The following ESPL1 variants were observed in gnomAD, a reference collection of about 807,000 sequenced individuals.
ESPL1 encodes separin.
In ESPL1, 50 loss-of-function variants were observed where a neutral mutation model predicts 217.2. The observed-to-expected ratio is 0.23, with a 90% CI of 0.18 to 0.29. ESPL1 has a LOEUF of 0.29. ESPL1 is among the 10% of genes least tolerant of loss of function. ESPL1 has a pLI of 1.00. For missense variants in ESPL1, 1,834 were observed against 2,603.0 expected, an observed-to-expected ratio of 0.70 and a Z score of 6.43; for synonymous variants, 994 against 1,081.3, an observed-to-expected ratio of 0.92 and a Z score of 1.58.
rs1592489136 is a variant in ESPL1 at position 53,283,118 on chromosome 12, A to G, written c.2792-11A>G. On this transcript the variant is annotated splice_polypyrimidine_tract_variant and intron_variant, in intron 14 of 30. Coordinates refer to ENST00000257934, the MANE Select transcript of ESPL1 (RefSeq NM_012291.5). ...CTGCATCTTCTCCCTTTTTCACCCC[A>G]CCCACCACAGGCTGGCAGACACCTG... The G allele has an allele frequency of 1.2e-6, 2 of 1,613,860 alleles. No homozygotes were observed. The highest frequency in any genetic ancestry group is 2.7e-5 in the African/African-American group (2 of 74,988).
chr12:53,283,319 G>T (rs1319228357), intron 15 of ESPL1, 62 bp downstream of exon 15: 4 of 1,611,546 alleles, frequency 2.5e-6, no homozygotes, highest in African/African-American at 2.7e-5. Flanking sequence ...GAGGGCTGCG[G>T]TTTTTTCTCC....
In ESPL1 at chr12:53,291,675, A is replaced by G. The variant is rs1011093704; in HGVS notation, c.5521-15A>G. ...ATGAATGAAGATGGTGCTCACCACC[A>G]CTGTTTCCCTGCAGATCATGCTCAG... On this transcript the variant is annotated splice_polypyrimidine_tract_variant and intron_variant, in intron 25 of 30. Coordinates refer to ENST00000257934, the MANE Select transcript of ESPL1 (RefSeq NM_012291.5). 4 of 1,611,566 alleles carry G rather than the reference A, an allele frequency of 2.5e-6. No individual in the cohort carries two copies. Among genetic ancestry groups the G allele is most frequent in the African/African-American group, 1.3e-5 (1 of 74,782 alleles).
At position 53,289,073 on chromosome 12, in the gene ESPL1, T is replaced by C. The variant is rs778857406; in HGVS notation, c.4709-17T>C. On this transcript the variant is annotated splice_polypyrimidine_tract_variant and intron_variant, in intron 20 of 30. Transcript: ENST00000257934. The stretch of plus-strand genomic sequence containing the variant: ...ATAAGGAATTCAGCTGTACCAAGTG[T>C]CCTGACGTTCTTCTAGGTCTTTCTA... 6.3e-7 allele frequency: 1 copy of C among 1,586,774 alleles called. No individual in the cohort carries two copies. The highest frequency in any genetic ancestry group is 2.2e-5 in the East Asian group (1 of 44,740).
At chr12:53,287,907 T>C in intron 18 of ESPL1, 65 bp from the exon 19 acceptor site, 2 of 1,495,038 alleles carry the variant, frequency 1.3e-6, no homozygotes, top group Non-Finnish European at 1.8e-6. Context: ...CTACGCCACC[T>C]GCTGTCACAA....
chr12:53,277,785 T>C (rs373526400), intron 10 of ESPL1, 36 bp from the exon 11 acceptor site: 102 of 1,609,778 alleles, frequency 6.3e-5, no homozygotes, highest in Non-Finnish European at 8.2e-5. Context: ...AGATGGCCCA[T>C]GCTGAGACAG....
In ESPL1 at chr12:53,277,212, A is replaced by G. The variant is rs370405626; in HGVS notation, c.2070A>G (p.Glu690=). The G allele has an allele frequency of 3.7e-6, 6 of 1,609,556 alleles. 1 individual carries two copies. The highest frequency in any genetic ancestry group is 5.1e-6 in the Non-Finnish European group (6 of 1,176,258). The stretch of plus-strand genomic sequence containing the variant: ...TGTGGCTTTACATCTGTACTCTGGA[A>G]GCCAAAATGCAGGAAGTGAGTGTGG... ...ALLWLYICTL[E]AKMQEGIERD... is the part of the protein sequence containing the mutation. The change falls in exon 9 of 31, where the codon GAA becomes GAG. Residue 690 remains glutamate, a synonymous_variant. Coordinates refer to ENST00000257934, the MANE Select transcript of ESPL1 (RefSeq NM_012291.5).
At chr12:53,268,517 G>A (rs939166549) in intron 1 of ESPL1, 140 bp downstream of exon 1, 4 of 502,880 alleles carry the variant, frequency 8.0e-6, no homozygotes, top group Non-Finnish European at 1.4e-5. Flanking sequence ...CTGAAGGGCT[G>A]GGCCGAGGCC....
chr12:53,280,135 C>T (rs1943837475), intron 12 of ESPL1, among the ~76,000 whole-genome samples: 1 of 152,164 alleles, frequency 6.6e-6, no homozygotes, highest in South Asian at 2.1e-4. Context: ...TTCTGTTGCC[C>T]TAGTTGATGC....
chr12:53,290,357 G>T lies in ESPL1; in HGVS notation c.5252G>T (p.Arg1751Leu), dbSNP rs749890420. 3 of 1,612,986 alleles carry T rather than the reference G, an allele frequency of 1.9e-6. No individual in the cohort carries two copies. Among genetic ancestry groups the T allele is most frequent in the South Asian group, 2.2e-5 (2 of 90,966 alleles). ...CCCCATCTCCCAAAGCTTCATCTGCGTTCAGTCCTGAATGAGTTTGATGCC... is the reference window on the plus strand; with the variant it reads ...CCCCATCTCCCAAAGCTTCATCTGCTTTCAGTCCTGAATGAGTTTGATGCC... Reference protein sequence around the residue: ...IPTGQNKLHLRSVLNEFDAIQ... With the variant: ...IPTGQNKLHLLSVLNEFDAIQ... The change falls in exon 24 of 31, where the codon CGT becomes CTT. Residue 1751 changes from arginine (R) to leucine (L), a missense_variant. Around this residue, in one of 5 missense-constraint regions of ESPL1, gnomAD observed 295 missense variants for 519.8 expected, o/e 0.57. Transcript: ENST00000257934.
chr12:53,290,939 CCTACAGGAGCTG>C lies in ESPL1; in HGVS notation c.5472_5483del (p.Glu1824_Gln1827del). On this transcript the variant is annotated inframe_deletion, in exon 25 of 31. Transcript: ENST00000257934. ...CCGGCCCTGCCCAGGAGGCCTCCCG[CCTACAGGAGCTG>C]CTACAGGACTGTGGCTGGAAATATC... is the stretch of plus-strand genomic sequence containing the variant. The C allele has an allele frequency of 1.9e-6, 3 of 1,606,362 alleles. No individual in the cohort carries two copies. The highest frequency in any genetic ancestry group is 2.5e-6 in the Non-Finnish European group (3 of 1,176,676).
chr12:53,282,453 A>G lies in ESPL1; in HGVS notation c.2791+18A>G, dbSNP rs777469176. ...TGCCCAAGGTGAAAGAATAGGGTGG[A>G]TGGCCCCCCTTGGATGACATGTATG... On this transcript the variant is annotated intron_variant, in intron 14 of 30. Coordinates refer to ENST00000257934, the MANE Select transcript of ESPL1 (RefSeq NM_012291.5). This position sits in a 1 kb window ranked among gnomAD's most constrained non-coding sequence, Gnocchi z 4.0. 6.2e-7 allele frequency: 1 copy of G among 1,610,904 alleles called. No individual in the cohort carries two copies. The highest frequency in any genetic ancestry group is 1.7e-4 in the Middle Eastern group (1 of 6,058).
intron 8 of ESPL1, 38 bp from the exon 9 acceptor site, chr12:53,277,045 C>T (rs1356381587): frequency 1.9e-6 from 3 of 1,601,586 alleles, no homozygotes; most frequent in Non-Finnish European, 1.7e-6. Context: ...GGCAGATACT[C>T]ATAGTAGGCC....
Position 53,268,783 on chromosome 12 carries a change from G to C in ESPL1, c.17G>C (p.Arg6Thr), listed in dbSNP as rs1178572569. Residue 6 changes from arginine to threonine, a missense_variant, in exon 2 of 31, where the codon AGA becomes ACA. Physicochemically the swap from Arg to Thr is moderately conservative, Grantham distance 71. Around this residue, in one of 5 missense-constraint regions of ESPL1, gnomAD observed 746 missense variants for 1,077.0 expected, o/e 0.69. Coordinates refer to ENST00000257934, the MANE Select transcript of ESPL1 (RefSeq NM_012291.5). MRSFK[R>T]VNFGTLLSSQ... is the part of the protein sequence containing the mutation. Reference sequence around the variant, plus strand: ...TCCGGTGTCATGAGGAGCTTCAAAAGAGTCAACTTTGGGACTCTGCTAAGC... The same window carrying C: ...TCCGGTGTCATGAGGAGCTTCAAAACAGTCAACTTTGGGACTCTGCTAAGC... 1 of 1,612,094 alleles carries C rather than the reference G, an allele frequency of 6.2e-7. No individual in the cohort carries two copies.
At position 53,269,402 on chromosome 12, in the gene ESPL1, G is replaced by T; in HGVS notation, c.460G>T (p.Gly154Trp). 4.3e-6 allele frequency: 7 copies of T among 1,613,980 alleles called. No homozygotes were observed. The highest frequency in any genetic ancestry group is 5.9e-6 in the Non-Finnish European group (7 of 1,179,998). Residue 154 changes from glycine to tryptophan, a missense_variant, in exon 3 of 31, where the codon GGG (glycine) becomes TGG (tryptophan). By Grantham distance (184) the Gly-to-Trp change is radical. Transcript: ENST00000257934. This position sits in a 1 kb window ranked among gnomAD's most constrained non-coding sequence, Gnocchi z 6.7. ...ARGSFSLLWK[G>W]AEALLERRAA... ...GGGCAGCTTTTCTCTGCTTTGGAAG[G>T]GGGCAGAAGCCCTGTTGGAACGGCG...
rs762547257 is a variant in ESPL1, at chr12:53,286,069, T to C, written c.3333T>C (p.Thr1111=). 3.7e-6 allele frequency: 6 copies of C among 1,611,074 alleles called. No individual in the cohort carries two copies. Among genetic ancestry groups the C allele is most frequent in the Non-Finnish European group, 5.1e-6 (6 of 1,177,404 alleles). Reference sequence around the variant, plus strand: ...GCCCTGCTCTAGAGCTGGTGGCCACTGTGGCCAAGGAGCCTGGCCCCATAG... The same window carrying C: ...GCCCTGCTCTAGAGCTGGTGGCCACCGTGGCCAAGGAGCCTGGCCCCATAG... The part of the protein sequence containing the change: ...LRGPALELVA[T]VAKEPGPIAP... The change falls in exon 18 of 31, where the codon ACT becomes ACC. Residue 1111 remains threonine, a synonymous_variant. Transcript: ENST00000257934. The surrounding 1 kb of genome is among the most constrained non-coding windows in gnomAD (Gnocchi z 5.3).
At position 53,285,476 on chromosome 12, in the gene ESPL1, A is replaced by G. The variant is rs562914207; in HGVS notation, c.3188-448A>G. ...AAAGAAAACAAAAATTTTACCTCCA[A>G]GGCGGGCGGATCACAAGGTCAGGAG... On this transcript the variant is annotated intron_variant, in intron 17 of 30. Transcript: ENST00000257934. 2.6e-5 allele frequency among the ~76,000 whole-genome samples: 4 copies of G among 152,298 alleles called. No homozygotes were observed. In the South Asian group the frequency reaches 8.3e-4, roughly 32 times the overall value.
At position 53,286,367 on chromosome 12, in the gene ESPL1, C is replaced by A. The variant is rs986730530; in HGVS notation, c.3631C>A (p.Pro1211Thr). ...ALQASLNHKT[P>T]PSLVPSLLDE... ...CCAAGCTTCCCTGAATCATAAAACA[C>A]CCCCCTCCTTGGTTCCAAGCCTCTT... is the stretch of plus-strand genomic sequence containing the variant. The change falls in exon 18 of 31, where the codon CCC (proline) becomes ACC (threonine). Residue 1211 changes from proline to threonine, a missense_variant. Around this residue, in one of 5 missense-constraint regions of ESPL1, gnomAD observed 681 missense variants for 808.0 expected, o/e 0.84. Transcript: ENST00000257934. The surrounding 1 kb of genome is among the most constrained non-coding windows in gnomAD (Gnocchi z 5.3). The A allele has an allele frequency of 2.5e-6, 4 of 1,614,184 alleles. No homozygotes were observed. Among genetic ancestry groups the A allele is most frequent in the East Asian group, 2.2e-5 (1 of 44,878 alleles).
At chr12:53,289,618 G>C in intron 22 of ESPL1, 24 bp downstream of exon 22, 3 of 1,600,254 alleles carry the variant, frequency 1.9e-6, no homozygotes, top group African/African-American at 2.7e-5. Flanking sequence ...CTTCTGGCCG[G>C]CTCCTCTGTC....
At chr12:53,291,916 C>G in intron 26 of ESPL1, 56 bp downstream of exon 26, 1 of 1,597,176 alleles carries the variant, frequency 6.3e-7, no homozygotes, top group Non-Finnish European at 8.6e-7. Flanking sequence ...CCAACTCATC[C>G]CCATGCCCCT....
Sources: gnomAD v4.1 joint callset for allele counts (sites outside exome capture counted in the v4.1 genomes callset) on GRCh38, gnomAD v4.1.1 for gene constraint, gnomAD v4.1.1 regional missense constraint, Gnocchi (gnomAD v3.1) non-coding constraint, MANE v1.5 for transcripts, NCBI Gene and HGNC (gene_info 2026-07-23, HGNC 2026-07-21) for gene names.